Variants in FTO observed in about 807,000 individuals in gnomAD.
FTO encodes FTO alpha-ketoglutarate dependent dioxygenase, also known as alpha-ketoglutarate-dependent dioxygenase FTO.
In FTO, 47 loss-of-function variants were observed where a neutral mutation model predicts 63.9. The observed-to-expected ratio is 0.74, with a 90% CI of 0.58 to 0.94. The LOEUF (loss-of-function observed/expected upper bound fraction) is 0.94. Among genes scored for constraint, FTO ranks in the 40% least tolerant of loss-of-function variants. FTO has a pLI of 0.00. For synonymous variants in FTO, 207 were observed against 224.4 expected (o/e 0.92, Z 0.69); for missense variants, 562 against 618.1 (o/e 0.91, Z 0.96).
intron 8 of FTO, among the ~76,000 whole-genome samples, chr16:54,012,488 A>G (rs535236782): frequency 7.2e-5 from 11 of 152,356 alleles, no homozygotes; most frequent in Non-Finnish European, 1.3e-4. Flanking sequence ...AGCTAAGGTC[A>G]TTGATGAAAT....
chr16:54,098,572 T>C (rs2086564599), intron 8 of FTO, among the ~76,000 whole-genome samples: 1 of 152,226 alleles, frequency 6.6e-6, no homozygotes, highest in African/African-American at 2.4e-5. Context: ...TGTAAGCCAT[T>C]GTCCCTTGCT....
intron 8 of FTO, among the ~76,000 whole-genome samples, chr16:53,954,284 A>G (rs551823041): frequency 1.3e-5 from 2 of 152,348 alleles, no homozygotes; most frequent in Non-Finnish European, 2.9e-5. Context: ...CAAAGAAATA[A>G]TCTTCTTTTA....
intron 8 of FTO, among the ~76,000 whole-genome samples, chr16:54,081,537 A>G (rs778975019): frequency 3.3e-5 from 5 of 152,164 alleles, no homozygotes; most frequent in Admixed American, 2.0e-4. Context: ...GACACTGGCC[A>G]TGTTCAGTCC....
intron 8 of FTO, chr16:54,040,657 A>C (rs1477732395): frequency 6.6e-6 from 1 of 152,254 alleles, no homozygotes; most frequent in Non-Finnish European, 1.5e-5. Context: ...ACATGAAGAC[A>C]TGGAGTTAGC....
rs532852190 is a variant in FTO, at chr16:54,113,811, C to CTTTTTTTTTTTTTTTTTT, written c.*1911_*1912insTTTTTTTTTTTTTTTTTT. The CTTTTTTTTTTTTTTTTTT allele has an allele frequency of 7.5e-6, 1 of 132,642 alleles. No homozygotes were observed. The allele number at this position is 132,642 out of a possible 1,614,324, so 8.2% of individuals were successfully genotyped here. A position where few individuals can be genotyped will look rare whatever the true frequency, so the allele number is the denominator to read the frequency against. On this transcript the variant is annotated 3_prime_UTR_variant, in exon 9 of 9. Coordinates refer to ENST00000471389, the MANE Select transcript of FTO (RefSeq NM_001080432.3). ...AGGTCTGCATTTTCTTTTTTCTTTT[C>CTTTTTTTTTTTTTTTTTT]TTTTTTTTTTTTTTTGAGACACAGT...
At chr16:53,877,855 T>C (rs1345612057) in intron 5 of FTO, among the ~76,000 whole-genome samples, 1 of 152,168 alleles carries the variant, frequency 6.6e-6, no homozygotes, top group Admixed American at 6.5e-5. Context: ...TCTGCAACCA[T>C]ACGTCATTAA....
intron 4 of FTO, among the ~76,000 whole-genome samples, chr16:53,849,428 C>A (rs1392074452): frequency 6.6e-6 from 1 of 152,192 alleles, no homozygotes; most frequent in East Asian, 1.9e-4. Flanking sequence ...TGCTTCATGC[C>A]CAGAGTTTTG....
intron 8 of FTO, among the ~76,000 whole-genome samples, chr16:54,077,450 C>A (rs1339536754): frequency 6.6e-6 from 1 of 152,152 alleles, no homozygotes; most frequent in Non-Finnish European, 1.5e-5. Context: ...ATCCGTGCCC[C>A]TGGAGCAGCT....
At position 54,117,742 on chromosome 16, in the gene FTO, C is replaced by T. The variant is rs556981842; in HGVS notation, c.*5827C>T. On this transcript the variant is annotated 3_prime_UTR_variant, in exon 9 of 9. Coordinates refer to ENST00000471389, the MANE Select transcript of FTO (RefSeq NM_001080432.3). ...TCATTTCTACAGTGGGAGTAGGTCACCCATTGCAATTTTGGATTTGCTTAA... is the reference window on the plus strand; with the variant it reads ...TCATTTCTACAGTGGGAGTAGGTCATCCATTGCAATTTTGGATTTGCTTAA... 2 of 152,112 alleles carry T rather than the reference C, an allele frequency of 1.3e-5. No individual in the cohort carries two copies. The highest frequency in any genetic ancestry group is 2.9e-5 in the Non-Finnish European group (2 of 68,030). The allele number at this position is 152,112 out of a possible 1,614,324, so 9.4% of individuals were successfully genotyped here. A position where few individuals can be genotyped will look rare whatever the true frequency, so the allele number is the denominator to read the frequency against.
In FTO at chr16:53,878,660, T is replaced by A. The variant is rs940200490; in HGVS notation, c.976-1184T>A. On this transcript the variant is annotated intron_variant, in intron 5 of 8. Coordinates refer to ENST00000471389, the MANE Select transcript of FTO (RefSeq NM_001080432.3). ...TTTTCCTCATTGGGACTGAAGGGTA[T>A]TTATAGCTGACTTTTTATTATTCTA... is the stretch of plus-strand genomic sequence containing the variant. 3.9e-5 allele frequency among the ~76,000 whole-genome samples: 6 copies of A among 152,200 alleles called. No individual in the cohort carries two copies. In the East Asian group the frequency reaches 9.6e-4, roughly 24 times the overall value.
At chr16:53,944,131 C>T (rs2082602013) in intron 8 of FTO, among the ~76,000 whole-genome samples, 1 of 152,248 alleles carries the variant, frequency 6.6e-6, no homozygotes, top group Admixed American at 6.5e-5. Flanking sequence ...GTTGGTTCTG[C>T]AAATATTTCT....
At chr16:53,850,752 C>T (rs1421087) in intron 4 of FTO, among the ~76,000 whole-genome samples, 7,139 of 149,856 alleles carry the variant, frequency 0.048, 619 homozygotes, top group East Asian at 0.4. Flanking sequence ...CTTTTTTTTT[C>T]CAGAAAAAAA....
At chr16:53,844,400 A>G in intron 4 of FTO, 102 bp downstream of exon 4, 3 of 989,512 alleles carry the variant, frequency 3.0e-6, no homozygotes, top group East Asian at 2.6e-5. Flanking sequence ...CTTTTGGAGT[A>G]TTTTATATTA....
At chr16:53,779,430 G>C (rs1385607068) in intron 1 of FTO, among the ~76,000 whole-genome samples, 1 of 152,056 alleles carries the variant, frequency 6.6e-6, no homozygotes, top group African/African-American at 2.4e-5. Flanking sequence ...TGATCCCTTT[G>C]TGTTTCAGCT....
At chr16:53,885,413 T>C (rs1014391770) in intron 6 of FTO, among the ~76,000 whole-genome samples, 5 of 152,200 alleles carry the variant, frequency 3.3e-5, no homozygotes, top group African/African-American at 1.2e-4. Context: ...CCAGTGGACT[T>C]GATGTCCAGA....
rs1599378915 is a variant in FTO, at chr16:54,107,594, G to A, written c.1365-4168G>A. ...TGTATCAACCACAACATCTCAGTTT[G>A]GAGAGACTATCTGCATTCACTTGGC... On this transcript the variant is annotated intron_variant, in intron 8 of 8. Transcript: ENST00000471389. Among the ~76,000 whole-genome samples, 5 of 152,292 alleles carry A rather than the reference G, an allele frequency of 3.3e-5. No homozygotes were observed. The South Asian group carries it at 1.0e-3, about 32-fold the overall frequency.
At chr16:53,979,570 C>T (rs1202154053) in intron 8 of FTO, 31 of 383,478 alleles carry the variant, frequency 8.1e-5, no homozygotes, top group South Asian at 7.1e-4. Flanking sequence ...TGTGTGTGCG[C>T]GCGTGTGTGA....
intron 8 of FTO, chr16:54,052,694 A>G (rs2085340152): frequency 6.6e-6 from 1 of 151,502 alleles, no homozygotes; most frequent in Non-Finnish European, 1.5e-5. Context: ...AGGGCTTCTC[A>G]ATTATTGGTG....
intron 4 of FTO, among the ~76,000 whole-genome samples, chr16:53,855,644 T>G (rs947198169): frequency 6.6e-6 from 1 of 152,184 alleles, no homozygotes; most frequent in African/African-American, 2.4e-5. Flanking sequence ...GTTTTGAAAT[T>G]CCTTCTCAAA....
Sources: allele counts gnomAD v4.1 joint callset (sites outside exome capture counted in the v4.1 genomes callset), GRCh38; gene constraint gnomAD v4.1.1; transcripts MANE v1.5; gene names NCBI Gene and HGNC (gene_info 2026-07-23, HGNC 2026-07-21).